ACTR6: variants seen among roughly 807,000 people sequenced by gnomAD.
ACTR6 encodes the protein actin related protein 6.
In ACTR6, 50 loss-of-function variants were observed where a neutral mutation model predicts 52.5. That is an observed-to-expected ratio of 0.95 (90% CI 0.76 to 1.20). The LOEUF (loss-of-function observed/expected upper bound fraction) is 1.20, where lower values mean the gene tolerates loss of function less well. Among genes scored for constraint, ACTR6 ranks in the 50% most tolerant of loss-of-function variants. The pLI is 0.00. For missense variants in ACTR6, 344 were observed against 472.4 expected (o/e 0.73, Z 2.52); for synonymous variants, 135 against 147.2 (o/e 0.92, Z 0.60).
At chr12:100,201,053 G>T (rs909020501) in intron 1 of ACTR6, 134 bp downstream of exon 1, 7 of 1,532,316 alleles carry the variant, frequency 4.6e-6, no homozygotes, top group Non-Finnish European at 6.1e-6. Flanking sequence ...TTCCCTGGTT[G>T]GAGCTGGGTG....
chr12:100,217,657 C>T (rs548530939), intron 8 of ACTR6, among the ~76,000 whole-genome samples: 6 of 152,166 alleles, frequency 3.9e-5, no homozygotes, highest in South Asian at 4.1e-4. Context: ...ATACATAGGC[C>T]TCATATAAAG....
In ACTR6 at chr12:100,207,829, A is replaced by C. The variant is rs544314888; in HGVS notation, c.379+43A>C. On this transcript the variant is annotated intron_variant, in intron 4 of 10. Transcript: ENST00000188312. ...CTGAAATTGAGTTATATGACTATGGATATGAATAGGGTAATACTCATAAAG... is the reference window on the plus strand; with the variant it reads ...CTGAAATTGAGTTATATGACTATGGCTATGAATAGGGTAATACTCATAAAG... 17 of 1,569,246 alleles carry C rather than the reference A, an allele frequency of 1.1e-5. No homozygotes were observed. In the Admixed American group the frequency reaches 2.7e-4, roughly 25 times the overall value.
Position 100,218,644 on chromosome 12 carries a change from C to T in ACTR6, c.922+58C>T, listed in dbSNP as rs891166189. On this transcript the variant is annotated intron_variant, in intron 9 of 10. Coordinates refer to ENST00000188312, the MANE Select transcript of ACTR6 (RefSeq NM_022496.5). This position sits in a 1 kb window ranked among gnomAD's most constrained non-coding sequence, Gnocchi z 4.2. Reference sequence around the variant, plus strand: ...TAATTGTTTTAAAAACATCATAAGCCCTGTGAACCCTGTTTCCTCTAAATA... The same window carrying T: ...TAATTGTTTTAAAAACATCATAAGCTCTGTGAACCCTGTTTCCTCTAAATA... 4.7e-5 allele frequency: 53 copies of T among 1,136,310 alleles called. No individual in the cohort carries two copies. Among genetic ancestry groups the T allele is most frequent in the Non-Finnish European group, 5.5e-5 (48 of 869,884 alleles). 70.4% of individuals were successfully genotyped at this position (1,136,310 alleles called of 1,614,324 possible). A position where few individuals can be genotyped will look rare whatever the true frequency, so the allele number is the denominator to read the frequency against.
chr12:100,201,870 G>A (rs923727687), intron 1 of ACTR6, among the ~76,000 whole-genome samples: 7 of 151,994 alleles, frequency 4.6e-5, no homozygotes, highest in Admixed American at 2.6e-4. Context: ...CAGTCTACCC[G>A]CGTTGGCCTC....
intron 1 of ACTR6, 98 bp downstream of exon 1, chr12:100,201,017 GCGCGGCCCTGACTTA>G: frequency 6.3e-7 from 1 of 1,593,978 alleles, no homozygotes; most frequent in Non-Finnish European, 8.5e-7. Context: ...AGACACCCCC[GCGCGGCCCTGACTTA>G]GCCAGAGGGA....
At chr12:100,223,475 C>A (rs969786690) in intron 10 of ACTR6, among the ~76,000 whole-genome samples, 1 of 152,122 alleles carries the variant, frequency 6.6e-6, no homozygotes, top group Non-Finnish European at 1.5e-5. Flanking sequence ...ATCTTTTGAT[C>A]TTTTGCTTAT....
intron 1 of ACTR6, chr12:100,203,956 T>C (rs1489921717): frequency 6.6e-6 from 1 of 152,278 alleles, no homozygotes; most frequent in African/African-American, 2.4e-5. Context: ...GCCTAACTTG[T>C]GAATCTTTAA....
intron 8 of ACTR6, among the ~76,000 whole-genome samples, chr12:100,213,733 C>T (rs2096121850): frequency 1.3e-5 from 2 of 152,132 alleles, no homozygotes; most frequent in Non-Finnish European, 2.9e-5. Flanking sequence ...TGTTGAGAAG[C>T]AGTTTATCAT....
At chr12:100,219,589 T>C (rs2153901046) in intron 9 of ACTR6, among the ~76,000 whole-genome samples, 1 of 152,304 alleles carries the variant, frequency 6.6e-6, no homozygotes, top group East Asian at 1.9e-4. Context: ...TCAAATGTCA[T>C]GAAAGACCTC....
intron 10 of ACTR6, among the ~76,000 whole-genome samples, chr12:100,222,798 T>C (rs1592851521): frequency 6.6e-6 from 1 of 152,220 alleles, no homozygotes; most frequent in Non-Finnish European, 1.5e-5. Flanking sequence ...TCATAACACA[T>C]AGTATAACCT....
At chr12:100,203,104 T>C (rs1209551348) in intron 1 of ACTR6, among the ~76,000 whole-genome samples, 2 of 152,186 alleles carry the variant, frequency 1.3e-5, no homozygotes, top group East Asian at 3.9e-4. Context: ...TCTAATGCTA[T>C]GGCTGATCTG....
rs1201799004 is a variant in ACTR6, at chr12:100,200,860, C to A, written c.9C>A (p.Thr3=). The change falls in exon 1 of 11, where the codon ACC becomes ACA. Residue 3 remains threonine (T), a synonymous_variant. Transcript: ENST00000188312. The stretch of plus-strand genomic sequence containing the variant: ...GTGTGGTTGGTGGTGAGATGACGAC[C>A]TTAGTGCTGGATAATGGAGCTTACA... MT[T]LVLDNGAYNA... 1 of 1,613,986 alleles carries A rather than the reference C, an allele frequency of 6.2e-7. No homozygotes were observed. The highest frequency in any genetic ancestry group is 8.5e-7 in the Non-Finnish European group (1 of 1,180,022).
At chr12:100,212,640 C>T in intron 8 of ACTR6, 112 bp downstream of exon 8, 2 of 687,504 alleles carry the variant, frequency 2.9e-6, no homozygotes, top group Non-Finnish European at 2.5e-6. Context: ...CAAAGCAAGC[C>T]CCTGTCTCTA....
chr12:100,205,032 T>C lies in ACTR6; in HGVS notation c.161T>C (p.Leu54Pro). ...QIDEIKDPSG[L>P]FYILPFQKGY... ...GATGAAATAAAAGACCCTTCTGGAC[T>C]CTTTTACATCCTCCCTTTTCAAAAG... Residue 54 changes from leucine (L) to proline (P), a missense_variant, in exon 2 of 11, where the codon CTC becomes CCC. Leu to Pro is a moderately conservative substitution (Grantham distance 98, BLOSUM62 -3). Coordinates refer to ENST00000188312, the MANE Select transcript of ACTR6 (RefSeq NM_022496.5). 1 of 1,592,614 alleles carries C rather than the reference T, an allele frequency of 6.3e-7. No homozygotes were observed. The highest frequency in any genetic ancestry group is 1.1e-5 in the South Asian group (1 of 88,162).
Position 100,223,881 on chromosome 12 carries a change from G to C in ACTR6, c.1157G>C (p.Gly386Ala). The part of the protein sequence containing the change: ...VVTREDYEEN[G>A]HSVCEEKFDI ...ACAAGAGAAGATTACGAAGAAAATG[G>C]ACATAGCGTCTGTGAAGAGAAATTT... The change falls in exon 11 of 11, where the codon GGA becomes GCA. Residue 386 changes from glycine to alanine, a missense_variant. Physicochemically the swap from Gly to Ala is moderately conservative, Grantham distance 60 (BLOSUM62 0). Transcript: ENST00000188312. 1 of 1,610,728 alleles carries C rather than the reference G, an allele frequency of 6.2e-7. No homozygotes were observed. Among genetic ancestry groups the C allele is most frequent in the African/African-American group, 1.3e-5 (1 of 74,892 alleles).
At chr12:100,206,759 C>A (rs919329865) in intron 3 of ACTR6, among the ~76,000 whole-genome samples, 4 of 151,324 alleles carry the variant, frequency 2.6e-5, no homozygotes, top group African/African-American at 9.7e-5. Context: ...ACCTCTGCCT[C>A]CTGGGTTCAA....
At chr12:100,213,405 T>C (rs2096121558) in intron 8 of ACTR6, among the ~76,000 whole-genome samples, 1 of 152,190 alleles carries the variant, frequency 6.6e-6, no homozygotes, top group Admixed American at 6.6e-5. Context: ...CGAGAGTTGT[T>C]GATTACTACC....
intron 1 of ACTR6, among the ~76,000 whole-genome samples, chr12:100,202,364 C>T (rs954653195): frequency 6.6e-6 from 1 of 152,010 alleles, no homozygotes; most frequent in East Asian, 1.9e-4. Context: ...GCTAAATACA[C>T]CAAAATACAA....
rs1173349965 is a variant in ACTR6 at position 100,206,500 on chromosome 12, C to A, written c.255+756C>A. On this transcript the variant is annotated intron_variant, in intron 3 of 10. Coordinates refer to ENST00000188312, the MANE Select transcript of ACTR6 (RefSeq NM_022496.5). ...ATAAATAAATACATAAATAAAACAT[C>A]TGCAAGTTTTTTTTTATTATGATTT... Among the ~76,000 whole-genome samples, 3 of 151,498 alleles carry A rather than the reference C, an allele frequency of 2.0e-5. No individual in the cohort carries two copies. The East Asian group carries it at 5.8e-4, about 29-fold the overall frequency.
Sources: gnomAD v4.1 joint callset for allele counts (sites outside exome capture counted in the v4.1 genomes callset) on GRCh38, gnomAD v4.1.1 for gene constraint, Gnocchi (gnomAD v3.1) non-coding constraint, MANE v1.5 for transcripts, NCBI Gene and HGNC (gene_info 2026-07-23, HGNC 2026-07-21) for gene names.